STX3: variants seen among roughly 807,000 people sequenced by gnomAD.
STX3 encodes syntaxin 3.
STX3 carries 19 observed loss-of-function variants against 40.2 expected under a neutral mutation model. That is an observed-to-expected ratio of 0.47 (90% CI 0.33 to 0.69). The LOEUF is 0.69. Among genes scored for constraint, STX3 ranks in the 30% least tolerant of loss-of-function variants. The pLI, the probability that STX3 is intolerant of heterozygous loss-of-function variation, is 0.02. For missense variants in STX3, 364 were observed against 366.7 expected, an observed-to-expected ratio of 0.99 and a Z score of 0.06; for synonymous variants, 122 against 132.2, an observed-to-expected ratio of 0.92 and a Z score of 0.53.
At chr11:59,787,557 G>A (rs1236674505) in intron 3 of STX3, among the ~76,000 whole-genome samples, 1 of 152,044 alleles carries the variant, frequency 6.6e-6, no homozygotes, top group African/African-American at 2.4e-5. Flanking sequence ...AAAATGGTTC[G>A]AGTTCACAGA....
rs941857074 is a variant in STX3 at position 59,804,726 on chromosome 11, A to G, written c.*3902A>G. 3.9e-5 allele frequency: 6 copies of G among 152,236 alleles called. No individual in the cohort carries two copies. The highest frequency in any genetic ancestry group is 5.9e-5 in the Non-Finnish European group (4 of 68,050). The allele number at this position is 152,236 out of a possible 1,614,324, so 9.4% of individuals were successfully genotyped here. ...GTTCAATAACGAAATACAGGCCCAC[A>G]AAATAAAATAGGTTTATAGCATGAC... On this transcript the variant is annotated 3_prime_UTR_variant, in exon 11 of 11. Coordinates refer to ENST00000337979, the MANE Select transcript of STX3 (RefSeq NM_004177.5).
rs781564189 is a variant in STX3, at chr11:59,773,223, C to G, written c.43C>G (p.Gln15Glu). The G allele has an allele frequency of 1.2e-6, 2 of 1,614,162 alleles. No homozygotes were observed. Among genetic ancestry groups the G allele is most frequent in the Non-Finnish European group, 1.7e-6 (2 of 1,179,992 alleles). ...LEQLKAKQLT[Q>E]DDDTDAVEIA... Reference sequence around the variant, plus strand: ...TTGCCTTTTGCAGAAGCAGCTGACACAGGATGATGATACTGATGCGGTTGA... The same window carrying G: ...TTGCCTTTTGCAGAAGCAGCTGACAGAGGATGATGATACTGATGCGGTTGA... The change falls in exon 2 of 11, where the codon CAG becomes GAG. Residue 15 changes from glutamine (Q) to glutamate (E), a missense_variant. Transcript: ENST00000337979.
chr11:59,758,372 T>C (rs1241024576), intron 1 of STX3, among the ~76,000 whole-genome samples: 1 of 152,210 alleles, frequency 6.6e-6, no homozygotes, highest in Non-Finnish European at 1.5e-5. Context: ...AATGCTTAAT[T>C]GTGAGCCTGT....
In STX3 at chr11:59,802,680, A is replaced by G; in HGVS notation, c.*1856A>G. The G allele has an allele frequency of 1.0e-6, 1 of 985,802 alleles. No individual in the cohort carries two copies. The highest frequency in any genetic ancestry group is 1.2e-6 in the Non-Finnish European group (1 of 829,848). The allele number at this position is 985,802 out of a possible 1,614,324, so 61.1% of individuals were successfully genotyped here. A position where few individuals can be genotyped will look rare whatever the true frequency, so the allele number is the denominator to read the frequency against. On this transcript the variant is annotated 3_prime_UTR_variant, in exon 11 of 11. Coordinates refer to ENST00000337979, the MANE Select transcript of STX3 (RefSeq NM_004177.5). Reference sequence around the variant, plus strand: ...ATTATTTTATTGCTAATTTAAAAATAAAAATGACTTTGTATTGATTGTGAA... The same window carrying G: ...ATTATTTTATTGCTAATTTAAAAATGAAAATGACTTTGTATTGATTGTGAA...
At position 59,802,155 on chromosome 11, in the gene STX3, C is replaced by A; in HGVS notation, c.*1331C>A. ...CAGGGCTGAGTCAGTTGGGGAACAC[C>A]AGAGGCTACACAGTAGCTCTTCCTG... On this transcript the variant is annotated 3_prime_UTR_variant, in exon 11 of 11. Transcript: ENST00000337979. The A allele has an allele frequency of 1.0e-6, 1 of 985,446 alleles. No homozygotes were observed. Among genetic ancestry groups the A allele is most frequent in the Non-Finnish European group, 1.2e-6 (1 of 829,952 alleles). 61.0% of individuals were successfully genotyped at this position (985,446 alleles called of 1,614,324 possible).
intron 9 of STX3, 62 bp from the exon 10 acceptor site, chr11:59,797,221 G>A (rs1865573429): frequency 7.6e-7 from 1 of 1,324,444 alleles, no homozygotes; most frequent in South Asian, 1.2e-5. Flanking sequence ...GGTTTTGGAT[G>A]AGTTGTTATT....
Position 59,755,554 on chromosome 11 carries a change from G to A in STX3, c.-52G>A, listed in dbSNP as rs1862660005. The A allele has an allele frequency of 8.2e-6, 13 of 1,579,424 alleles. No homozygotes were observed. The highest frequency in any genetic ancestry group is 1.1e-5 in the Non-Finnish European group (13 of 1,168,692). The stretch of plus-strand genomic sequence containing the variant: ...AGCTCACCTGGGAAGCGCTCACCTG[G>A]GACGCGCTCACCTGGGACGCGCTAC... On this transcript the variant is annotated 5_prime_UTR_variant, in exon 1 of 11. Coordinates refer to ENST00000337979, the MANE Select transcript of STX3 (RefSeq NM_004177.5).
rs913776724 is a variant in STX3, at chr11:59,776,327, A to G, written c.114+3033A>G. 5.3e-5 allele frequency among the ~76,000 whole-genome samples: 8 copies of G among 152,332 alleles called. No individual in the cohort carries two copies. In the East Asian group the frequency reaches 5.8e-4, roughly 11 times the overall value. ...TTGGATTTTATGGATATAAAATGAG[A>G]AAGGGTATGGGTGCACCTATCACAG... On this transcript the variant is annotated intron_variant, in intron 2 of 10. Coordinates refer to ENST00000337979, the MANE Select transcript of STX3 (RefSeq NM_004177.5).
chr11:59,794,008 T>C (rs1346441188), intron 8 of STX3, among the ~76,000 whole-genome samples: 1 of 152,204 alleles, frequency 6.6e-6, no homozygotes. Context: ...ACTAGTTCAC[T>C]GATGACATTG....
In STX3 at chr11:59,792,234, G is replaced by A; in HGVS notation, c.466+19G>A. The A allele has an allele frequency of 6.2e-7, 1 of 1,606,602 alleles. No individual in the cohort carries two copies. Among genetic ancestry groups the A allele is most frequent in the Non-Finnish European group, 8.5e-7 (1 of 1,174,572 alleles). On this transcript the variant is annotated intron_variant, in intron 6 of 10. Coordinates refer to ENST00000337979, the MANE Select transcript of STX3 (RefSeq NM_004177.5). ...GAAATTAGTATGTACTTGAGGTTTG[G>A]CGTGTGCCCTCCACCTTTCCTGCCA...
intron 1 of STX3, among the ~76,000 whole-genome samples, chr11:59,760,551 A>G (rs944340103): frequency 1.3e-5 from 2 of 151,788 alleles, no homozygotes; most frequent in African/African-American, 4.8e-5. Flanking sequence ...CAGTGTTTCT[A>G]GTACTTCTTG....
chr11:59,778,735 C>T (rs1864153980), intron 2 of STX3, among the ~76,000 whole-genome samples: 1 of 152,070 alleles, frequency 6.6e-6, no homozygotes, highest in Non-Finnish European at 1.5e-5. Flanking sequence ...TGTAATAAAT[C>T]AGCTTAACTT....
In STX3 at chr11:59,756,990, G is replaced by T. The variant is rs373567525; in HGVS notation, c.30+1355G>T. On this transcript the variant is annotated intron_variant, in intron 1 of 10. Coordinates refer to ENST00000337979, the MANE Select transcript of STX3 (RefSeq NM_004177.5). ...TCTGTGTAGCAGGGCTGCGGAGGAG[G>T]CAGGTAGCTGGGGAAGTGAGAGAAG... 1.0e-3 allele frequency among the ~76,000 whole-genome samples: 152 copies of T among 152,342 alleles called. 1 individual carries two copies. In the South Asian group the frequency reaches 0.027, roughly 27 times the overall value.
In STX3 at chr11:59,793,124, G is replaced by T. The variant is rs1240010310; in HGVS notation, c.492G>T (p.Glu164Asp). The change falls in exon 7 of 11, where the codon GAG (glutamate) becomes GAT (aspartate). Residue 164 changes from glutamate to aspartate, a missense_variant. Transcript: ENST00000337979. ...EITGKKTTDE[E>D]LEEMLESGNP... ...CTGGCAAAAAGACAACCGATGAGGA[G>T]CTGGAGGAGATGTTGGAGAGTGGCA... 6.2e-7 allele frequency: 1 copy of T among 1,613,516 alleles called. No homozygotes were observed. The highest frequency in any genetic ancestry group is 1.3e-5 in the African/African-American group (1 of 74,932).
upstream of STX3, chr11:59,754,708 C>T (rs1261978659): frequency 6.6e-6 from 1 of 152,182 alleles, no homozygotes; most frequent in Non-Finnish European, 1.5e-5. Flanking sequence ...TTTACAGACA[C>T]GGGAACGGGG....
At chr11:59,773,570 T>TA (rs770371236) in intron 2 of STX3, among the ~76,000 whole-genome samples, 12 of 152,246 alleles carry the variant, frequency 7.9e-5, no homozygotes, top group Non-Finnish European at 1.6e-4. Flanking sequence ...ATTTTAATGA[T>TA]ATCCTTTCTT....
In STX3 at chr11:59,801,021, A is replaced by T; in HGVS notation, c.*197A>T. ...GCCCTGGGGGAATGTGATCTACCTG[A>T]TGCGACCCTGAGTTCTCCCCAGAGC... On this transcript the variant is annotated 3_prime_UTR_variant, in exon 11 of 11. Coordinates refer to ENST00000337979, the MANE Select transcript of STX3 (RefSeq NM_004177.5). The T allele has an allele frequency of 6.6e-7, 1 of 1,506,454 alleles. No individual in the cohort carries two copies. The highest frequency in any genetic ancestry group is 8.8e-7 in the Non-Finnish European group (1 of 1,130,800). 93.3% of individuals were successfully genotyped at this position (1,506,454 alleles called of 1,614,324 possible).
chr11:59,760,411 G>GT (rs552769203), intron 1 of STX3, among the ~76,000 whole-genome samples: 212 of 144,278 alleles, frequency 1.5e-3, no homozygotes, highest in South Asian at 9.2e-3. Flanking sequence ...TAGGTTGTGG[G>GT]TTTTTTTTTT....
At chr11:59,760,588 A>G (rs1312091023) in intron 1 of STX3, among the ~76,000 whole-genome samples, 1 of 152,154 alleles carries the variant, frequency 6.6e-6, no homozygotes, top group Non-Finnish European at 1.5e-5. Context: ...AATAACAACA[A>G]TCATTTATTG....
Sources: allele counts gnomAD v4.1 joint callset (sites outside exome capture counted in the v4.1 genomes callset), GRCh38; gene constraint gnomAD v4.1.1; transcripts MANE v1.5; gene names NCBI Gene and HGNC (gene_info 2026-07-23, HGNC 2026-07-21).